COL4A1: variants seen among roughly 807,000 people sequenced by gnomAD.
The protein encoded by COL4A1 is collagen type IV alpha 1 chain.
Under a neutral mutation model 216.6 loss-of-function variants are expected in COL4A1, and 40 were observed. The observed-to-expected ratio is 0.18, with a 90% confidence interval of 0.14 to 0.24. The LOEUF is 0.24. Among genes scored for constraint, COL4A1 ranks in the 10% least tolerant of loss-of-function variants. The pLI is 1.00. For synonymous variants in COL4A1, 839 were observed against 810.7 expected (o/e 1.03, Z -0.59); for missense variants, 1,628 against 2,196.8 (o/e 0.74, Z 5.18).
chr13:110,218,555 A>G (rs543741821), intron 2 of COL4A1, among the ~76,000 whole-genome samples: 1 of 152,362 alleles, frequency 6.6e-6, no homozygotes, highest in South Asian at 2.1e-4. Context: ...TTTGAATTCA[A>G]TAAAATGTCA....
chr13:110,178,257 C>A, intron 31 of COL4A1, 26 bp from the exon 32 acceptor site: 1 of 1,613,018 alleles, frequency 6.2e-7, no homozygotes, highest in Non-Finnish European at 8.5e-7. Flanking sequence ...ACACAAATAA[C>A]TTTTAGCAGA....
Position 110,286,068 on chromosome 13 carries a change from T to C in COL4A1, c.84+20876A>G, listed in dbSNP as rs1052929706. Among the ~76,000 whole-genome samples the C allele has an allele frequency of 5.9e-5, 9 of 152,238 alleles. No homozygotes were observed. In the East Asian group the frequency reaches 1.4e-3, roughly 23 times the overall value. On this transcript the variant is annotated intron_variant, in intron 1 of 51. Coordinates refer to ENST00000375820, the MANE Select transcript of COL4A1 (RefSeq NM_001845.6). ...TCGGCTCCCTGATATGAGTGAGCTA[T>C]GAGTCTGGAGAGGCCTGGAAGGAGG...
chr13:110,222,116 C>A (rs1037233725), intron 2 of COL4A1, among the ~76,000 whole-genome samples: 4 of 152,186 alleles, frequency 2.6e-5, no homozygotes, highest in South Asian at 2.1e-4. Flanking sequence ...CACCTGCGAC[C>A]CACACAGCAG....
intron 26 of COL4A1, 63 bp from the exon 27 acceptor site, chr13:110,183,339 G>A (rs1045389054): frequency 5.3e-6 from 8 of 1,511,330 alleles, no homozygotes; most frequent in Non-Finnish European, 7.3e-6. Flanking sequence ...AACACAGGGA[G>A]GACACGCAGT....
At chr13:110,209,602 G>T (rs186660094) in intron 10 of COL4A1, among the ~76,000 whole-genome samples, 175 bp from the exon 11 acceptor site, 1 of 152,166 alleles carries the variant, frequency 6.6e-6, no homozygotes, top group African/African-American at 2.4e-5. Flanking sequence ...ACCCTCAGGT[G>T]TGACCATACC....
chr13:110,294,835 T>C (rs958392578), intron 1 of COL4A1, among the ~76,000 whole-genome samples: 1 of 152,244 alleles, frequency 6.6e-6, no homozygotes, highest in African/African-American at 2.4e-5. Flanking sequence ...AGCAATTCTT[T>C]TCTGTTTGTC....
intron 2 of COL4A1, among the ~76,000 whole-genome samples, chr13:110,234,987 G>A (rs72654165): frequency 0.049 from 7,424 of 152,170 alleles, 221 homozygotes; most frequent in Middle Eastern, 0.088. Flanking sequence ...AATCCCCCTA[G>A]TATTGTACAC....
intron 40 of COL4A1, 119 bp from the exon 41 acceptor site, chr13:110,172,889 T>C (rs1877710613): frequency 3.7e-6 from 3 of 817,800 alleles, no homozygotes; most frequent in East Asian, 2.5e-5. Context: ...TACATAGATA[T>C]TAGTTAATTG....
chr13:110,217,062 C>A (rs1480526223), intron 2 of COL4A1, among the ~76,000 whole-genome samples: 1 of 152,196 alleles, frequency 6.6e-6, no homozygotes, highest in African/African-American at 2.4e-5. Flanking sequence ...CCATTCCCCA[C>A]ATATTTTTTT....
chr13:110,223,115 A>G (rs894055534), intron 2 of COL4A1, among the ~76,000 whole-genome samples: 8 of 152,204 alleles, frequency 5.3e-5, no homozygotes, highest in African/African-American at 1.9e-4. Flanking sequence ...TTTGAATCTA[A>G]TGACAATACA....
At chr13:110,292,177 T>A (rs946658613) in intron 1 of COL4A1, among the ~76,000 whole-genome samples, 1 of 152,310 alleles carries the variant, frequency 6.6e-6, no homozygotes, top group South Asian at 2.1e-4. Context: ...AAATTCAGGG[T>A]CTTCTTCCCT....
In COL4A1 at chr13:110,152,226, T is replaced by G. The variant is rs1481301030; in HGVS notation, c.4928+108A>C. The G allele has an allele frequency of 2.0e-6, 3 of 1,523,104 alleles. No individual in the cohort carries two copies. The African/African-American group carries it at 4.1e-5, about 21-fold the overall frequency. 94.3% of individuals were successfully genotyped at this position (1,523,104 alleles called of 1,614,324 possible). On this transcript the variant is annotated intron_variant, in intron 51 of 51. Coordinates refer to ENST00000375820, the MANE Select transcript of COL4A1 (RefSeq NM_001845.6). The stretch of plus-strand genomic sequence containing the variant: ...TCGAACAGCATCAAATATTCATTGC[T>G]AACCATCTTTGAGACTTTGCATTGG...
At position 110,179,363 on chromosome 13, in the gene COL4A1, G is replaced by T. The variant is rs766570862; in HGVS notation, c.2252C>A (p.Pro751His). The change falls in exon 30 of 52, where the codon CCT becomes CAT. Residue 751 changes from proline (P) to histidine (H), a missense_variant. Coordinates refer to ENST00000375820, the MANE Select transcript of COL4A1 (RefSeq NM_001845.6). ...LKGLPGLPGI[P>H]GTPGEKGSIG... ...GCTCCCCTTCTCCCCGGGTGTGCCA[G>T]GAATGCCGGGAAGACCTGGCAAACC... 6.2e-7 allele frequency: 1 copy of T among 1,614,146 alleles called. No homozygotes were observed. The highest frequency in any genetic ancestry group is 8.5e-7 in the Non-Finnish European group (1 of 1,180,032).
chr13:110,168,397 C>G (rs1877443426), intron 43 of COL4A1, among the ~76,000 whole-genome samples: 1 of 152,198 alleles, frequency 6.6e-6, no homozygotes, highest in African/African-American at 2.4e-5. Context: ...GCTTACATTA[C>G]TGGAAAACTG....
chr13:110,230,984 C>T (rs1180805193), intron 2 of COL4A1, among the ~76,000 whole-genome samples: 1 of 152,216 alleles, frequency 6.6e-6, no homozygotes, highest in African/African-American at 2.4e-5. Context: ...GAACCCAACA[C>T]CTGCCACCCA....
At chr13:110,193,151 C>A (rs1250793912) in intron 22 of COL4A1, among the ~76,000 whole-genome samples, 1 of 152,226 alleles carries the variant, frequency 6.6e-6, no homozygotes, top group Admixed American at 6.5e-5. Context: ...TCACGTGTGA[C>A]CACAGACGCA....
chr13:110,252,136 G>A (rs1882100529), intron 1 of COL4A1, among the ~76,000 whole-genome samples: 1 of 152,140 alleles, frequency 6.6e-6, no homozygotes, highest in African/African-American at 2.4e-5. Flanking sequence ...CAATTCTCCT[G>A]TCTCAGCCTC....
At chr13:110,295,422 C>CTTTTTT (rs5806848) in intron 1 of COL4A1, among the ~76,000 whole-genome samples, 1 of 88,186 alleles carries the variant, frequency 1.1e-5, no homozygotes, top group Admixed American at 1.4e-4. Context: ...AGTTCACTTC[C>CTTTTTT]TTTTTTTTTT....
At chr13:110,160,007 A>G (rs943388230) in intron 49 of COL4A1, among the ~76,000 whole-genome samples, 2 of 152,232 alleles carry the variant, frequency 1.3e-5, no homozygotes, top group Non-Finnish European at 2.9e-5. Flanking sequence ...GGAAAATAAA[A>G]AAGTTCAGGA....
Sources: gnomAD v4.1 joint callset for allele counts (sites outside exome capture counted in the v4.1 genomes callset) on GRCh38, gnomAD v4.1.1 for gene constraint, MANE v1.5 for transcripts, NCBI Gene and HGNC (gene_info 2026-07-23, HGNC 2026-07-21) for gene names.